The following USP45 variants were observed in gnomAD, a reference collection of about 807,000 sequenced individuals.
USP45 encodes the protein ubiquitin specific peptidase 45.
USP45 carries 89 observed loss-of-function variants against 95.8 expected under a neutral mutation model. That is an observed-to-expected ratio of 0.93 (90% CI 0.78 to 1.11). USP45 has a LOEUF of 1.11. Among genes scored for constraint, USP45 ranks in the 50% least tolerant of loss-of-function variants. The pLI is 0.00. For synonymous variants in USP45, 281 were observed against 316.2 expected (o/e 0.89, Z 1.18); for missense variants, 898 against 942.5 (o/e 0.95, Z 0.62).
chr6:99,455,819 T>TAAAAAAAA (rs35285232), intron 13 of USP45, among the ~76,000 whole-genome samples: 1 of 44,338 alleles, frequency 2.3e-5, no homozygotes. Context: ...ATGTGAGAGC[T>TAAAAAAAA]AAAAAAAAAA....
At chr6:99,472,067 A>G (rs1420805090) in intron 9 of USP45, among the ~76,000 whole-genome samples, 2 of 152,198 alleles carry the variant, frequency 1.3e-5, no homozygotes, top group Non-Finnish European at 2.9e-5. Flanking sequence ...CGACTAAACA[A>G]TAATTTAATT....
At chr6:99,516,517 A>G (rs1364920548), upstream of USP45, among the ~76,000 whole-genome samples, 2 of 152,218 alleles carry the variant, frequency 1.3e-5, no homozygotes, top group Non-Finnish European at 2.9e-5. Flanking sequence ...GAACTTGGCA[A>G]AGAAGGTTGA....
chr6:99,476,946 T>TA (rs1791024633), intron 8 of USP45, among the ~76,000 whole-genome samples: 1 of 152,194 alleles, frequency 6.6e-6, no homozygotes, highest in African/African-American at 2.4e-5. Flanking sequence ...ACATAGGAAA[T>TA]ATTTGGTTGA....
chr6:99,478,450 C>T (rs1791463553), intron 8 of USP45, among the ~76,000 whole-genome samples: 1 of 151,706 alleles, frequency 6.6e-6, no homozygotes, highest in Non-Finnish European at 1.5e-5. Context: ...AAAAGTATTG[C>T]CATGAGAAAG....
At chr6:99,446,515 A>T (rs1200946242) in intron 13 of USP45, 52 bp from the exon 14 acceptor site, 1 of 1,450,396 alleles carries the variant, frequency 6.9e-7, no homozygotes, top group Non-Finnish European at 9.3e-7. Context: ...CTCATTGAAA[A>T]TAAATGCCAA....
At chr6:99,471,514 G>A (rs1340690137) in intron 9 of USP45, among the ~76,000 whole-genome samples, 1 of 152,110 alleles carries the variant, frequency 6.6e-6, no homozygotes, top group Non-Finnish European at 1.5e-5. Flanking sequence ...TTTAGTGACT[G>A]TGCAAATTAA....
At chr6:99,479,163 TACACACACAC>T (rs56121215) in intron 8 of USP45, among the ~76,000 whole-genome samples, 1 of 144,430 alleles carries the variant, frequency 6.9e-6, no homozygotes, top group Admixed American at 6.9e-5. Context: ...TATACATATA[TACACACACAC>T]ACACACACAC....
At chr6:99,478,659 G>A (rs910619761) in intron 8 of USP45, among the ~76,000 whole-genome samples, 1 of 152,112 alleles carries the variant, frequency 6.6e-6, no homozygotes, top group African/African-American at 2.4e-5. Context: ...TATACACCAT[G>A]GAATACTACA....
Position 99,437,395 on chromosome 6 carries a change from G to A in USP45, c.2165C>T (p.Ala722Val). The A allele has an allele frequency of 6.3e-7, 1 of 1,583,018 alleles. No homozygotes were observed. The highest frequency in any genetic ancestry group is 2.3e-5 in the East Asian group (1 of 44,438). ...APFCSATCKN[A>V]SVGDKVLYGL... ...GTAGAGAACTTTATCTCCCACACTT[G>A]CATTCTTTTAAACAAAGAAAAAAAC... Residue 722 changes from alanine to valine, a missense_variant, in exon 17 of 18, where the codon GCA (alanine) becomes GTA (valine). Ala to Val is a moderately conservative substitution (Grantham distance 64). Coordinates refer to ENST00000500704, the MANE Select transcript of USP45 (RefSeq NM_001346022.3).
At chr6:99,490,008 A>G (rs571526452) in intron 5 of USP45, among the ~76,000 whole-genome samples, 14 of 152,296 alleles carry the variant, frequency 9.2e-5, no homozygotes, top group African/African-American at 3.4e-4. Flanking sequence ...AAAACAAAGA[A>G]CAATTCCTAA....
At chr6:99,499,987 T>A (rs1197569951) in intron 5 of USP45, among the ~76,000 whole-genome samples, 1 of 152,204 alleles carries the variant, frequency 6.6e-6, no homozygotes, top group East Asian at 1.9e-4. Context: ...CTTATCAATC[T>A]CTATTCCCTG....
At chr6:99,449,543 G>A (rs1486506854) in intron 13 of USP45, among the ~76,000 whole-genome samples, 3 of 152,066 alleles carry the variant, frequency 2.0e-5, no homozygotes, top group Non-Finnish European at 2.9e-5. Context: ...CAAGTCCCCA[G>A]AGACCTACAA....
intron 15 of USP45, among the ~76,000 whole-genome samples, chr6:99,441,411 A>G (rs908812280): frequency 1.3e-5 from 2 of 152,074 alleles, no homozygotes. Flanking sequence ...GGGTGCCTGT[A>G]ATCTCAGCTA....
intron 13 of USP45, among the ~76,000 whole-genome samples, chr6:99,451,512 T>C (rs1319896026): frequency 6.6e-6 from 1 of 152,152 alleles, no homozygotes; most frequent in Non-Finnish European, 1.5e-5. Flanking sequence ...TACAAACCAC[T>C]GCTCAACAAA....
intron 13 of USP45, among the ~76,000 whole-genome samples, chr6:99,457,255 TG>T (rs1357588073): frequency 6.6e-6 from 1 of 152,318 alleles, no homozygotes; most frequent in East Asian, 1.9e-4. Context: ...GTAAAGTACT[TG>T]ATGTCTGTGA....
At chr6:99,462,620 A>G in intron 13 of USP45, 1 of 985,402 alleles carries the variant, frequency 1.0e-6, no homozygotes, top group Non-Finnish European at 1.2e-6. Flanking sequence ...ATTAGCTTTT[A>G]TTTATAGAAA....
Position 99,464,751 on chromosome 6 carries a change from T to C in USP45, c.1165-4A>G, listed in dbSNP as rs1232976848. The C allele has an allele frequency of 6.9e-6, 11 of 1,597,360 alleles. No homozygotes were observed. The highest frequency in any genetic ancestry group is 3.4e-5 in the South Asian group (3 of 88,262). ...CCCAAAGTAAAGGTTTTGAAACCTA[T>C]GTAAATGCCACATACAGAAACCAAA... On this transcript the variant is annotated splice_polypyrimidine_tract_variant and splice_region_variant and intron_variant, in intron 12 of 17. Transcript: ENST00000500704.
chr6:99,462,478 C>T (rs967573178), intron 13 of USP45: 3 of 983,990 alleles, frequency 3.0e-6, no homozygotes, highest in Non-Finnish European at 3.6e-6. Context: ...ATAACCAGTG[C>T]TTTTTAGGGG....
chr6:99,473,573 T>C (rs1353312736), intron 9 of USP45, among the ~76,000 whole-genome samples: 2 of 151,536 alleles, frequency 1.3e-5, no homozygotes, highest in Admixed American at 6.6e-5. Flanking sequence ...CTAGTCAACA[T>C]GGTGAAACCC....
Sources: allele counts gnomAD v4.1 joint callset (sites outside exome capture counted in the v4.1 genomes callset), GRCh38; gene constraint gnomAD v4.1.1; transcripts MANE v1.5; gene names NCBI Gene and HGNC (gene_info 2026-07-23, HGNC 2026-07-21).